The following KLHL29 variants were observed in gnomAD, a reference collection of about 807,000 sequenced individuals.
KLHL29 encodes the protein kelch like family member 29, also known as kelch-like protein 29.
A neutral mutation model predicts 80.4 loss-of-function variants in KLHL29; 21 were observed. The ratio of observed to expected loss-of-function variants is 0.26; its 90% CI spans 0.19 to 0.38. The LOEUF (loss-of-function observed/expected upper bound fraction) is 0.38, where lower values mean the gene tolerates loss of function less well. Among genes scored for constraint, KLHL29 ranks in the 10% least tolerant of loss-of-function variants. The pLI, the probability that KLHL29 is intolerant of heterozygous loss-of-function variation, is 1.00. For missense variants in KLHL29, 867 were observed against 1,223.9 expected, an observed-to-expected ratio of 0.71 and a Z score of 4.35; for synonymous variants, 511 against 526.8, an observed-to-expected ratio of 0.97 and a Z score of 0.41.
At chr2:23,456,798 G>A (rs774916903) in intron 1 of KLHL29, among the ~76,000 whole-genome samples, 1 of 152,252 alleles carries the variant, frequency 6.6e-6, no homozygotes, top group Non-Finnish European at 1.5e-5. Flanking sequence ...ACTTGGAGAT[G>A]TTTCCAGGAT....
At chr2:23,390,650 C>CT (rs70941576) in intron 1 of KLHL29, among the ~76,000 whole-genome samples, 91,438 of 120,150 alleles carry the variant, frequency 0.76, 35,334 homozygotes, top group South Asian at 0.86. Context: ...ACCATCTTTA[C>CT]TTTTTTTTTT....
chr2:23,667,258 T>C (rs1473458088), intron 5 of KLHL29: 1 of 152,284 alleles, frequency 6.6e-6, no homozygotes, highest in Admixed American at 6.5e-5. Context: ...TGCTGGCTCT[T>C]TGAGCTGTCG....
intron 1 of KLHL29, among the ~76,000 whole-genome samples, chr2:23,421,564 G>C (rs1662805977): frequency 7.4e-6 from 1 of 134,704 alleles, no homozygotes; most frequent in Non-Finnish European, 1.6e-5. Context: ...GTGTGTGTGT[G>C]TCTGTAGCTG....
chr2:23,432,571 A>G (rs1246312995), intron 1 of KLHL29, among the ~76,000 whole-genome samples: 1 of 152,254 alleles, frequency 6.6e-6, no homozygotes, highest in Non-Finnish European at 1.5e-5. Context: ...GATTTAAAAG[A>G]CCATTGCAGA....
Position 23,681,589 on chromosome 2 carries a change from ACT to A in KLHL29, c.941-2805_941-2804del, listed in dbSNP as rs913107302. On this transcript the variant is annotated intron_variant, in intron 5 of 13. Coordinates refer to ENST00000486442, the MANE Select transcript of KLHL29 (RefSeq NM_052920.2). This position sits in a 1 kb window ranked among gnomAD's most constrained non-coding sequence, Gnocchi z 4.2. ...GCAGGCATGTGGGGCCACATCTGTC[ACT>A]CTCTGCAGCATGACACCCAGGGGGC... is the stretch of plus-strand genomic sequence containing the variant. 4.0e-5 allele frequency among the ~76,000 whole-genome samples: 6 copies of A among 151,732 alleles called. No individual in the cohort carries two copies. The highest frequency in any genetic ancestry group is 4.2e-4 in the South Asian group (2 of 4,804).
intron 2 of KLHL29, among the ~76,000 whole-genome samples, chr2:23,498,856 C>T (rs1653757): frequency 0.39 from 59,799 of 152,080 alleles, 12,206 homozygotes; most frequent in Non-Finnish European, 0.43. Flanking sequence ...TGAGGCCGCC[C>T]CTATGCCTCC....
At chr2:23,532,647 G>A (rs1259029252) in intron 2 of KLHL29, 1 of 456,762 alleles carries the variant, frequency 2.2e-6, no homozygotes, top group Admixed American at 2.3e-5. Context: ...TTGGGACTGA[G>A]GCCTGGGCGG....
intron 2 of KLHL29, among the ~76,000 whole-genome samples, chr2:23,540,355 A>G (rs1301410742): frequency 6.6e-6 from 1 of 152,280 alleles, no homozygotes; most frequent in African/African-American, 2.4e-5. Flanking sequence ...TCAAGTGCCA[A>G]CAGCCCCAGG....
intron 5 of KLHL29, among the ~76,000 whole-genome samples, chr2:23,651,335 A>T (rs1670081781): frequency 6.6e-6 from 1 of 152,160 alleles, no homozygotes; most frequent in African/African-American, 2.4e-5. Context: ...CTAAGCACAG[A>T]CTAAGACTGT....
intron 3 of KLHL29, among the ~76,000 whole-genome samples, chr2:23,632,936 A>G (rs1472374110): frequency 6.6e-6 from 1 of 152,066 alleles, no homozygotes; most frequent in African/African-American, 2.4e-5. Context: ...GCTGCAGGGG[A>G]AGCTGGTAGA....
chr2:23,665,703 C>A (rs1670535386), intron 5 of KLHL29, among the ~76,000 whole-genome samples: 1 of 152,160 alleles, frequency 6.6e-6, no homozygotes, highest in Non-Finnish European at 1.5e-5. Context: ...GCAGGCATCA[C>A]AAGGTGAGGG....
At chr2:23,650,734 CAG>C (rs1285264703) in intron 5 of KLHL29, among the ~76,000 whole-genome samples, 4 of 152,190 alleles carry the variant, frequency 2.6e-5, no homozygotes, top group Admixed American at 6.5e-5. Context: ...CCTGTCATGA[CAG>C]GGGTTTAATG....
intron 3 of KLHL29, among the ~76,000 whole-genome samples, chr2:23,584,381 G>C (rs1305288249): frequency 1.3e-5 from 2 of 152,238 alleles, no homozygotes; most frequent in Non-Finnish European, 2.9e-5. Context: ...CCTCCTCCCA[G>C]CTTCGCCCTC....
intron 2 of KLHL29, among the ~76,000 whole-genome samples, chr2:23,530,141 A>G (rs1489873783): frequency 6.6e-6 from 1 of 152,230 alleles, no homozygotes; most frequent in Non-Finnish European, 1.5e-5. Flanking sequence ...TCACACTGCC[A>G]AAGAGGCAGG....
chr2:23,707,417 G>A lies in KLHL29; in HGVS notation c.*753G>A, dbSNP rs960653094. 1 of 152,228 alleles carries A rather than the reference G, an allele frequency of 6.6e-6. No homozygotes were observed. The highest frequency in any genetic ancestry group is 2.4e-5 in the African/African-American group (1 of 41,466). 9.4% of individuals were successfully genotyped at this position (152,228 alleles called of 1,614,324 possible). A position where few individuals can be genotyped will look rare whatever the true frequency, so the allele number is the denominator to read the frequency against. On this transcript the variant is annotated 3_prime_UTR_variant, in exon 14 of 14. Coordinates refer to ENST00000486442, the MANE Select transcript of KLHL29 (RefSeq NM_052920.2). The stretch of plus-strand genomic sequence containing the variant: ...AGGCTATTTTTAAGTACTGAGAGGA[G>A]GAGCAGGCCACAAGAGGGATAATGT...
chr2:23,542,905 A>G (rs1008494597), intron 2 of KLHL29, among the ~76,000 whole-genome samples: 1 of 151,966 alleles, frequency 6.6e-6, no homozygotes, highest in African/African-American at 2.4e-5. Flanking sequence ...TGGGCAAGTC[A>G]CTCCCAACTG....
intron 13 of KLHL29, among the ~76,000 whole-genome samples, chr2:23,704,369 G>A (rs2149229325): frequency 6.6e-6 from 1 of 152,350 alleles, no homozygotes; most frequent in African/African-American, 2.4e-5. Flanking sequence ...GTAGAGGGCT[G>A]AGTGTGGCTC....
chr2:23,682,702 G>A lies in KLHL29; in HGVS notation c.941-1697G>A, dbSNP rs373597807. Reference sequence around the variant, plus strand: ...CCCACACCCTCCCGCACCCTCCCGCGCCCTCCCACTGGTGCTCTGAGCCTG... The same window carrying A: ...CCCACACCCTCCCGCACCCTCCCGCACCCTCCCACTGGTGCTCTGAGCCTG... On this transcript the variant is annotated intron_variant, in intron 5 of 13. Transcript: ENST00000486442. This position sits in a 1 kb window ranked among gnomAD's most constrained non-coding sequence, Gnocchi z 4.1. 3.9e-4 allele frequency among the ~76,000 whole-genome samples: 58 copies of A among 149,286 alleles called. No individual in the cohort carries two copies. The East Asian group carries it at 0.01, about 26-fold the overall frequency.
chr2:23,622,219 T>C (rs1265175580), intron 3 of KLHL29, among the ~76,000 whole-genome samples: 2 of 152,180 alleles, frequency 1.3e-5, no homozygotes, highest in African/African-American at 4.8e-5. Flanking sequence ...CTTGATGCCC[T>C]GTTGTTCTGA....
Sources: gnomAD v4.1 joint callset for allele counts (sites outside exome capture counted in the v4.1 genomes callset) on GRCh38, gnomAD v4.1.1 for gene constraint, Gnocchi (gnomAD v3.1) non-coding constraint, MANE v1.5 for transcripts, NCBI Gene and HGNC (gene_info 2026-07-23, HGNC 2026-07-21) for gene names.